Variants in MAPKBP1 observed in about 807,000 individuals in gnomAD.
The protein encoded by MAPKBP1 is mitogen-activated protein kinase binding protein 1, also known as mitogen-activated protein kinase-binding protein 1.
In MAPKBP1, 71 loss-of-function variants were observed where a neutral mutation model predicts 170.5. That is an observed-to-expected ratio of 0.42 (90% CI 0.34 to 0.51). MAPKBP1 has a LOEUF of 0.51. MAPKBP1 is among the 20% of genes least tolerant of loss of function. The pLI is 0.06. For missense variants in MAPKBP1, 1,598 were observed against 1,933.0 expected, an observed-to-expected ratio of 0.83 and a Z score of 3.25; for synonymous variants, 719 against 757.9, an observed-to-expected ratio of 0.95 and a Z score of 0.84.
intron 3 of MAPKBP1, among the ~76,000 whole-genome samples, chr15:41,801,052 G>A (rs1436974211): frequency 6.6e-6 from 1 of 152,208 alleles, no homozygotes; most frequent in Non-Finnish European, 1.5e-5. Flanking sequence ...TGTTTTCAGG[G>A]TTAATCTATG....
rs776631828 is a variant in MAPKBP1 at position 41,822,066 on chromosome 15, A to G, written c.2987A>G (p.Asp996Gly). 11 of 1,568,706 alleles carry G rather than the reference A, an allele frequency of 7.0e-6. No homozygotes were observed. Among genetic ancestry groups the G allele is most frequent in the Non-Finnish European group, 8.7e-6 (10 of 1,152,632 alleles). Reference protein sequence around the residue: ...KHSPDSACSVDYSSSCLSSPE... With the variant: ...KHSPDSACSVGYSSSCLSSPE... ...AGCCCTGACAGTGCCTGCTCTGTGG[A>G]TTACAGCAGCAGCTGCCTTTCCAGC... The change falls in exon 25 of 31, where the codon GAT (aspartate) becomes GGT (glycine). Residue 996 changes from aspartate (D) to glycine (G), a missense_variant. By Grantham distance (94) the Asp-to-Gly change is moderately conservative (BLOSUM62 -1). Coordinates refer to ENST00000457542, the MANE Select transcript of MAPKBP1 (RefSeq NM_014994.3).
chr15:41,781,017 A>G (rs2064176950), intron 2 of MAPKBP1, among the ~76,000 whole-genome samples: 1 of 152,058 alleles, frequency 6.6e-6, no homozygotes, highest in African/African-American at 2.4e-5. Flanking sequence ...TCAAGGGAGT[A>G]AATTCCCCCC....
chr15:41,815,118 C>T, intron 10 of MAPKBP1, 141 bp from the exon 11 acceptor site: 1 of 927,278 alleles, frequency 1.1e-6, no homozygotes, highest in Non-Finnish European at 1.7e-6. Flanking sequence ...GGGTATATAC[C>T]AGTTATGTAT....
At position 41,774,516 on chromosome 15, in the gene MAPKBP1, G is replaced by A. The variant is rs533004110; in HGVS notation, c.-204G>A. The A allele has an allele frequency of 6.5e-5, 26 of 398,420 alleles. No individual in the cohort carries two copies. In the East Asian group the frequency reaches 7.1e-4, roughly 11 times the overall value. 24.7% of individuals were successfully genotyped at this position (398,420 alleles called of 1,614,324 possible). A position where few individuals can be genotyped will look rare whatever the true frequency, so the allele number is the denominator to read the frequency against. ...TCGTGCCACCATAGCTCCTGCTGCT[G>A]CCTCTACCGCTGCGGCTACCGCGGC... On this transcript the variant is annotated 5_prime_UTR_variant, in exon 1 of 31. Transcript: ENST00000457542.
intron 25 of MAPKBP1, 44 bp from the exon 26 acceptor site, chr15:41,822,181 C>T (rs772968771): frequency 3.5e-5 from 56 of 1,602,978 alleles, no homozygotes; most frequent in Non-Finnish European, 4.4e-5. Context: ...GCTCTGGCAA[C>T]AGATGGGTGC....
rs2065117137 is a variant in MAPKBP1, at chr15:41,827,116, T to G, written c.*1680T>G. On this transcript the variant is annotated 3_prime_UTR_variant, in exon 31 of 31. Coordinates refer to ENST00000457542, the MANE Select transcript of MAPKBP1 (RefSeq NM_014994.3). ...TTCGAGATCAGCCTGGCCAACATGG[T>G]GAAACCCTGTCTACTAAAAATAAAA... The G allele has an allele frequency of 1.9e-5, 1 of 51,342 alleles. No individual in the cohort carries two copies. The highest frequency in any genetic ancestry group is 3.9e-5 in the Non-Finnish European group (1 of 25,962). The allele number at this position is 51,342 out of a possible 1,614,324, so 3.2% of individuals were successfully genotyped here.
At position 41,815,684 on chromosome 15, in the gene MAPKBP1, C is replaced by T. The variant is rs1349583564; in HGVS notation, c.1378C>T (p.Pro460Ser). 6.2e-7 allele frequency: 1 copy of T among 1,614,102 alleles called. No homozygotes were observed. Among genetic ancestry groups the T allele is most frequent in the East Asian group, 2.2e-5 (1 of 44,872 alleles). ...CCAGGCCCTGCTGGACACAGAGCTG[C>T]CTGGAGGAGACAAAGCTGATGCATC... ...NTQALLDTELPGGDKADASLL... is the reference protein window; with the variant it reads ...NTQALLDTELSGGDKADASLL... Residue 460 changes from proline to serine, a missense_variant, in exon 12 of 31, where the codon CCT becomes TCT. Coordinates refer to ENST00000457542, the MANE Select transcript of MAPKBP1 (RefSeq NM_014994.3).
chr15:41,779,851 C>T (rs934928445), intron 2 of MAPKBP1, among the ~76,000 whole-genome samples: 1 of 152,224 alleles, frequency 6.6e-6, no homozygotes, highest in Non-Finnish European at 1.5e-5. Context: ...TCTGAGGTCT[C>T]TTGAAATAAG....
At chr15:41,810,606 C>A (rs991672663) in intron 3 of MAPKBP1, 1 of 397,902 alleles carries the variant, frequency 2.5e-6, no homozygotes. Flanking sequence ...GTGGTTCCAG[C>A]TACTAGGGAG....
At chr15:41,814,913 C>T (rs1214279824) in intron 10 of MAPKBP1, among the ~76,000 whole-genome samples, 174 bp downstream of exon 10, 2 of 152,218 alleles carry the variant, frequency 1.3e-5, no homozygotes, top group African/African-American at 4.8e-5. Flanking sequence ...CAGGCTTCCC[C>T]AGTGTGCCCC....
rs777806290 is a variant in MAPKBP1 at position 41,819,278 on chromosome 15, C to T, written c.2324C>T (p.Pro775Leu). The change falls in exon 21 of 31, where the codon CCG becomes CTG. Residue 775 changes from proline to leucine, a missense_variant. By Grantham distance (98) the Pro-to-Leu change is moderately conservative. Coordinates refer to ENST00000457542, the MANE Select transcript of MAPKBP1 (RefSeq NM_014994.3). Reference sequence around the variant, plus strand: ...GCCCCATCAATGCTGTCTCCTGGACCGGCTCTCTCATCAGACAGTGACAAG... The same window carrying T: ...GCCCCATCAATGCTGTCTCCTGGACTGGCTCTCTCATCAGACAGTGACAAG... ...HQAPSMLSPG[P>L]ALSSDSDKEG... 1.3e-5 allele frequency: 21 copies of T among 1,614,020 alleles called. No homozygotes were observed. The highest frequency in any genetic ancestry group is 2.7e-5 in the African/African-American group (2 of 74,902).
At chr15:41,777,016 G>A (rs2064109280) in intron 2 of MAPKBP1, among the ~76,000 whole-genome samples, 1 of 152,244 alleles carries the variant, frequency 6.6e-6, no homozygotes, top group East Asian at 1.9e-4. Flanking sequence ...GAAGCACAGG[G>A]GAGGCGACCT....
chr15:41,822,184 A>T (rs1010662750), intron 25 of MAPKBP1, 41 bp from the exon 26 acceptor site: 4 of 1,604,754 alleles, frequency 2.5e-6, no homozygotes, highest in Non-Finnish European at 3.4e-6. Context: ...CTGGCAACAG[A>T]TGGGTGCAGT....
At position 41,813,639 on chromosome 15, in the gene MAPKBP1, A is replaced by C. The variant is rs1451703412; in HGVS notation, c.838A>C (p.Ile280Leu). The change falls in exon 9 of 31, where the codon ATC (isoleucine) becomes CTC (leucine). Residue 280 changes from isoleucine to leucine, a missense_variant. By Grantham distance (5) the Ile-to-Leu change is conservative. Around this residue, in one of 6 missense-constraint regions of MAPKBP1, gnomAD observed 430 missense variants for 617.2 expected, o/e 0.70. Coordinates refer to ENST00000457542, the MANE Select transcript of MAPKBP1 (RefSeq NM_014994.3). The part of the protein sequence containing the change: ...VELRTTVAHC[I>L]SVSQDYIFCG... ...CCCACAGACCACAGTGGCCCACTGC[A>C]TCTCTGTGAGCCAAGACTACATCTT... 6.2e-7 allele frequency: 1 copy of C among 1,613,966 alleles called. No individual in the cohort carries two copies. Among genetic ancestry groups the C allele is most frequent in the Admixed American group, 1.7e-5 (1 of 59,978 alleles).
Position 41,823,610 on chromosome 15 carries a change from C to T in MAPKBP1, c.3762C>T (p.Arg1254=), listed in dbSNP as rs753151990. The T allele has an allele frequency of 2.7e-5, 44 of 1,614,074 alleles. No homozygotes were observed. The highest frequency in any genetic ancestry group is 3.6e-5 in the Non-Finnish European group (43 of 1,180,034). ...CCAGTTCCATGGCCAAGATATCCCG[C>T]AGTATCTCTGTTGGGGAGAACCTGG... is the stretch of plus-strand genomic sequence containing the variant. The part of the protein sequence containing the change: ...PTTSSMAKIS[R]SISVGENLGL... Residue 1254 remains arginine, a synonymous_variant, in exon 29 of 31, where the codon CGC becomes CGT. Transcript: ENST00000457542.
chr15:41,823,689 A>G lies in MAPKBP1; in HGVS notation c.3841A>G (p.Lys1281Glu). ...CCCCATCCGAGTCTCACCACTCAGC[A>G]AGCTGGCCCTGCCCAGCCGGGCTCA... ...HAPIRVSPLS[K>E]LALPSRAHLV... The change falls in exon 29 of 31, where the codon AAG becomes GAG. Residue 1281 changes from lysine (K) to glutamate (E), a missense_variant. This residue lies in a region of MAPKBP1 where 942 missense variants were observed against 953.2 expected (regional missense o/e 0.99). Coordinates refer to ENST00000457542, the MANE Select transcript of MAPKBP1 (RefSeq NM_014994.3). 6.2e-7 allele frequency: 1 copy of G among 1,614,114 alleles called. No homozygotes were observed.
At chr15:41,782,506 A>G (rs1246790068) in intron 2 of MAPKBP1, among the ~76,000 whole-genome samples, 1 of 152,144 alleles carries the variant, frequency 6.6e-6, no homozygotes, top group Non-Finnish European at 1.5e-5. Flanking sequence ...AGTTTTACAG[A>G]AGTCTACCAT....
At chr15:41,793,304 G>A (rs1257536664) in intron 2 of MAPKBP1, among the ~76,000 whole-genome samples, 1 of 152,062 alleles carries the variant, frequency 6.6e-6, no homozygotes, top group African/African-American at 2.4e-5. Flanking sequence ...TGGCTAACAC[G>A]GTGAAACCCC....
In MAPKBP1 at chr15:41,798,119, G is replaced by A. The variant is rs1203681448; in HGVS notation, c.115-1704G>A. Among the ~76,000 whole-genome samples, 8 of 150,964 alleles carry A rather than the reference G, an allele frequency of 5.3e-5. No individual in the cohort carries two copies. The East Asian group carries it at 1.2e-3, about 23-fold the overall frequency. On this transcript the variant is annotated intron_variant, in intron 2 of 30. Transcript: ENST00000457542. Reference sequence around the variant, plus strand: ...CAAAAAACTAGCAGGGTGTGGTGGCGGGTGCCTGTAGTCCCAGCTACTCAG... The same window carrying A: ...CAAAAAACTAGCAGGGTGTGGTGGCAGGTGCCTGTAGTCCCAGCTACTCAG...
Sources: gnomAD v4.1 joint callset for allele counts (sites outside exome capture counted in the v4.1 genomes callset) on GRCh38, gnomAD v4.1.1 for gene constraint, gnomAD v4.1.1 regional missense constraint, MANE v1.5 for transcripts, NCBI Gene and HGNC (gene_info 2026-07-23, HGNC 2026-07-21) for gene names.